The following OPCML variants were observed in gnomAD, a reference collection of about 807,000 sequenced individuals.
OPCML encodes opioid binding protein/cell adhesion molecule like.
In OPCML, 13 loss-of-function variants were observed where a neutral mutation model predicts 37.8. That is an observed-to-expected ratio of 0.34 (90% CI 0.22 to 0.55). OPCML has a LOEUF of 0.55. OPCML is among the 20% of genes least tolerant of loss of function. The pLI is 0.91. For missense variants in OPCML, 341 were observed against 435.6 expected (o/e 0.78, Z 1.93); for synonymous variants, 176 against 168.8 (o/e 1.04, Z -0.33).
chr11:132,998,053 G>A (rs1022515549), intron 1 of OPCML, among the ~76,000 whole-genome samples: 5 of 152,070 alleles, frequency 3.3e-5, no homozygotes, highest in Admixed American at 6.6e-5. Context: ...GCATAGTTCC[G>A]CCATCTGATT....
intron 2 of OPCML, among the ~76,000 whole-genome samples, chr11:132,748,338 A>T (rs1183911344): frequency 6.6e-6 from 1 of 152,132 alleles, no homozygotes; most frequent in African/African-American, 2.4e-5. Context: ...ACTCATTCAC[A>T]GATATGTATC....
intron 1 of OPCML, among the ~76,000 whole-genome samples, chr11:133,002,805 T>G (rs1444829492): frequency 6.6e-6 from 1 of 151,786 alleles, no homozygotes; most frequent in East Asian, 1.9e-4. Flanking sequence ...GAAGAGAGAT[T>G]GATCGTAGGT....
intron 3 of OPCML, among the ~76,000 whole-genome samples, chr11:132,649,866 A>T (rs958002247): frequency 6.6e-6 from 1 of 152,102 alleles, no homozygotes; most frequent in South Asian, 2.1e-4. Context: ...AGGAACTAAG[A>T]CATACAGAGG....
At chr11:132,773,108 C>A (rs897245335) in intron 2 of OPCML, 8 of 152,230 alleles carry the variant, frequency 5.3e-5, no homozygotes, top group South Asian at 4.1e-4. Flanking sequence ...GCAACAGAGG[C>A]ACCCTGAGAG....
chr11:133,125,696 GTA>G lies in OPCML; in HGVS notation c.62-182688_62-182687del, dbSNP rs1356194980. Among the ~76,000 whole-genome samples the G allele has an allele frequency of 2.3e-3, 53 of 22,958 alleles. 1 individual carries two copies. The highest frequency in any genetic ancestry group is 3.8e-3 in the Non-Finnish European group (39 of 10,228). 15.1% of individuals were successfully genotyped at this position (22,958 alleles called of 152,430 possible). On this transcript the variant is annotated intron_variant, in intron 1 of 7. Transcript: ENST00000524381. ...ATAGTATATGTATATAGTATATATAGTATATATATAGTGTATATATATGTATA... is the reference window on the plus strand; with the variant it reads ...ATAGTATATGTATATAGTATATATAGTATATATAGTGTATATATATGTATA...
At chr11:133,455,116 C>T (rs565683606) in intron 1 of OPCML, among the ~76,000 whole-genome samples, 2 of 152,240 alleles carry the variant, frequency 1.3e-5, no homozygotes, top group South Asian at 2.1e-4. Context: ...TGTCTTGCAT[C>T]CTTCACCAAC....
At chr11:133,348,023 C>A (rs532771942) in intron 1 of OPCML, among the ~76,000 whole-genome samples, 2 of 152,240 alleles carry the variant, frequency 1.3e-5, no homozygotes, top group South Asian at 2.1e-4. Context: ...TTACATCTGA[C>A]CCTTCAGCCA....
At chr11:133,131,676 G>T (rs774603238) in intron 1 of OPCML, among the ~76,000 whole-genome samples, 3 of 152,146 alleles carry the variant, frequency 2.0e-5, no homozygotes, top group Non-Finnish European at 4.4e-5. Context: ...TTACCTAAAT[G>T]AGTTAAATAC....
At chr11:132,989,175 C>T (rs1296629288) in intron 1 of OPCML, among the ~76,000 whole-genome samples, 1 of 152,148 alleles carries the variant, frequency 6.6e-6, no homozygotes, top group African/African-American at 2.4e-5. Context: ...GAATCCATTC[C>T]TCAGCAGATA....
Position 133,017,027 on chromosome 11 carries a change from A to G in OPCML, c.62-74017T>C, listed in dbSNP as rs138177486. ...GAACTGGATGGCTTACACAATAAAC[A>G]TTGATTTTTCACAGTTCTGGAGGTT... On this transcript the variant is annotated intron_variant, in intron 1 of 7. Coordinates refer to ENST00000524381, the MANE Select transcript of OPCML (RefSeq NM_001012393.5). 1.4e-4 allele frequency among the ~76,000 whole-genome samples: 21 copies of G among 152,274 alleles called. No individual in the cohort carries two copies. In the East Asian group the frequency reaches 3.5e-3, roughly 25 times the overall value.
chr11:133,151,928 C>A (rs1949993078), intron 1 of OPCML, among the ~76,000 whole-genome samples: 1 of 152,188 alleles, frequency 6.6e-6, no homozygotes, highest in South Asian at 2.1e-4. Flanking sequence ...TGGCAGGATC[C>A]CCCAGGAAGA....
chr11:133,022,601 A>G (rs1947474705), intron 1 of OPCML, among the ~76,000 whole-genome samples: 1 of 151,784 alleles, frequency 6.6e-6, no homozygotes, highest in Non-Finnish European at 1.5e-5. Flanking sequence ...GCATTTTTTA[A>G]TATCTGTAAT....
chr11:133,055,246 A>G (rs1288979416), intron 1 of OPCML, among the ~76,000 whole-genome samples: 3 of 147,422 alleles, frequency 2.0e-5, no homozygotes, highest in African/African-American at 7.6e-5. Flanking sequence ...TGCTGCCTCC[A>G]TGATACTTCC....
chr11:132,713,817 T>C (rs929832281), intron 2 of OPCML, among the ~76,000 whole-genome samples: 15 of 152,204 alleles, frequency 9.9e-5, no homozygotes, highest in Non-Finnish European at 1.9e-4. Flanking sequence ...TCAGTAGCTA[T>C]TGAGAGTCTG....
At chr11:132,895,173 G>T (rs1943791724) in intron 2 of OPCML, among the ~76,000 whole-genome samples, 1 of 152,142 alleles carries the variant, frequency 6.6e-6, no homozygotes, top group South Asian at 2.1e-4. Flanking sequence ...AGTGCAAACT[G>T]CTCATAGAGA....
intron 3 of OPCML, among the ~76,000 whole-genome samples, chr11:132,628,427 T>C (rs1344899151): frequency 6.6e-6 from 1 of 152,224 alleles, no homozygotes; most frequent in Non-Finnish European, 1.5e-5. Context: ...ATTTTCTTTA[T>C]TCTGATGCTT....
chr11:133,220,964 T>A (rs1030086728), intron 1 of OPCML, among the ~76,000 whole-genome samples: 8 of 152,224 alleles, frequency 5.3e-5, no homozygotes, highest in African/African-American at 1.9e-4. Flanking sequence ...CACGGCTGTA[T>A]GGCCCTTCCA....
chr11:132,579,003 G>A (rs573428897), intron 3 of OPCML, among the ~76,000 whole-genome samples: 2 of 151,908 alleles, frequency 1.3e-5, no homozygotes, highest in Admixed American at 6.6e-5. Context: ...AAAATTTTAA[G>A]AAATAAAATT....
At chr11:133,484,030 TTAGA>T (rs71038531) in intron 1 of OPCML, among the ~76,000 whole-genome samples, 53,059 of 134,430 alleles carry the variant, frequency 0.39, 10,310 homozygotes, top group Admixed American at 0.45. Context: ...GATGGACAGA[TTAGA>T]TAGATAGATA....
Sources: allele counts gnomAD v4.1 joint callset (sites outside exome capture counted in the v4.1 genomes callset), GRCh38; gene constraint gnomAD v4.1.1; transcripts MANE v1.5; gene names NCBI Gene and HGNC (gene_info 2026-07-23, HGNC 2026-07-21).